Variants in MEI4 observed in about 807,000 individuals in gnomAD.
The protein encoded by MEI4 is meiosis-specific protein MEI4.
A neutral mutation model predicts 31.4 loss-of-function variants in MEI4; 27 were observed. The ratio of observed to expected loss-of-function variants is 0.86; its 90% CI spans 0.63 to 1.19. MEI4 has a LOEUF of 1.19. Among genes scored for constraint, MEI4 ranks in the 50% most tolerant of loss-of-function variants. The pLI, the probability that MEI4 is intolerant of heterozygous loss-of-function variation, is 0.00. For synonymous variants in MEI4, 122 were observed against 145.4 expected (o/e 0.84, Z 1.16); for missense variants, 329 against 398.9 (o/e 0.82, Z 1.49).
chr6:77,797,263 C>A (rs997906384), intron 3 of MEI4, among the ~76,000 whole-genome samples: 9 of 152,114 alleles, frequency 5.9e-5, no homozygotes, highest in Non-Finnish European at 8.8e-5. Context: ...GAAAAAAGTT[C>A]TTTGACATTG....
At chr6:77,697,864 G>T (rs1232854604) in intron 2 of MEI4, among the ~76,000 whole-genome samples, 1 of 152,052 alleles carries the variant, frequency 6.6e-6, no homozygotes, top group Non-Finnish European at 1.5e-5. Context: ...TTGACAGTGG[G>T]GTGTTAAAGT....
At chr6:77,803,527 C>T (rs944966192) in intron 3 of MEI4, among the ~76,000 whole-genome samples, 6 of 152,184 alleles carry the variant, frequency 3.9e-5, no homozygotes, top group African/African-American at 1.2e-4. Context: ...AACTTCGTTC[C>T]TTTGGTGGAG....
intron 1 of MEI4, among the ~76,000 whole-genome samples, chr6:77,677,713 G>A (rs1158220591): frequency 6.6e-6 from 1 of 152,116 alleles, no homozygotes; most frequent in African/African-American, 2.4e-5. Context: ...TCTGGGCCGT[G>A]AGCCTATATA....
chr6:77,736,616 C>G (rs35828605), intron 2 of MEI4, among the ~76,000 whole-genome samples: 1 of 152,020 alleles, frequency 6.6e-6, no homozygotes, highest in Admixed American at 6.5e-5. Context: ...ATGCTGGGAG[C>G]TGTAGACCGG....
chr6:77,774,395 A>T (rs1312307669), intron 3 of MEI4, among the ~76,000 whole-genome samples: 3 of 152,092 alleles, frequency 2.0e-5, no homozygotes, highest in African/African-American at 7.2e-5. Context: ...ATTATTTTAA[A>T]TGAAATAAGT....
At chr6:77,877,659 A>G (rs1421136574) in intron 4 of MEI4, among the ~76,000 whole-genome samples, 2 of 151,132 alleles carry the variant, frequency 1.3e-5, no homozygotes, top group Non-Finnish European at 2.9e-5. Flanking sequence ...CTCTCTCCCT[A>G]ATAGTTTTGT....
chr6:77,688,875 T>C (rs1769107016), intron 1 of MEI4, among the ~76,000 whole-genome samples: 1 of 152,048 alleles, frequency 6.6e-6, no homozygotes, highest in Admixed American at 6.6e-5. Context: ...AGTCCACTGC[T>C]CCTATCGCTG....
chr6:77,875,616 A>C (rs1185174873), intron 4 of MEI4, among the ~76,000 whole-genome samples: 2 of 152,214 alleles, frequency 1.3e-5, no homozygotes, highest in Non-Finnish European at 2.9e-5. Flanking sequence ...GGATCTTGGA[A>C]AGGGATTTTT....
chr6:77,880,587 G>A (rs1298669437), intron 4 of MEI4, among the ~76,000 whole-genome samples: 1 of 152,146 alleles, frequency 6.6e-6, no homozygotes, highest in Non-Finnish European at 1.5e-5. Context: ...ATAAAAGTAT[G>A]AGCAGAAAGA....
chr6:77,900,662 C>A (rs936144079), intron 4 of MEI4, among the ~76,000 whole-genome samples: 2 of 151,676 alleles, frequency 1.3e-5, no homozygotes, highest in Admixed American at 1.3e-4. Flanking sequence ...TGGAGACTGA[C>A]GATAAAAGTC....
At chr6:77,699,770 T>C (rs1766167751) in intron 2 of MEI4, among the ~76,000 whole-genome samples, 1 of 152,134 alleles carries the variant, frequency 6.6e-6, no homozygotes, top group South Asian at 2.1e-4. Context: ...GTGGATGTCG[T>C]TTCTGTCTGT....
chr6:77,697,471 T>C (rs889142113), intron 2 of MEI4, among the ~76,000 whole-genome samples: 11 of 152,238 alleles, frequency 7.2e-5, no homozygotes. Context: ...GTTGTGTCTT[T>C]GTTCTTATTG....
intron 2 of MEI4, among the ~76,000 whole-genome samples, chr6:77,748,644 A>T (rs1767678095): frequency 2.6e-5 from 4 of 152,230 alleles, no homozygotes; most frequent in Admixed American, 2.6e-4. Flanking sequence ...GATTAACATT[A>T]GACTCCTCAT....
chr6:77,672,387 A>G (rs1294004309), intron 1 of MEI4, among the ~76,000 whole-genome samples: 1 of 152,198 alleles, frequency 6.6e-6, no homozygotes, highest in Non-Finnish European at 1.5e-5. Context: ...ATTTAAAATT[A>G]TTTTTAATTT....
rs201805209 is a variant in MEI4, at chr6:77,912,613, A to C, written c.901-10476A>C. 2.8e-4 allele frequency among the ~76,000 whole-genome samples: 43 copies of C among 152,040 alleles called. No homozygotes were observed. In the East Asian group the frequency reaches 7.9e-3, roughly 28 times the overall value. On this transcript the variant is annotated intron_variant, in intron 4 of 4. Coordinates refer to ENST00000684080, the MANE Select transcript of MEI4 (RefSeq NM_001322247.2). Reference sequence around the variant, plus strand: ...TACCATCTTGATATCTTTCTCAATAAGTTGGTTATTAGTGTCTAGAAATTC... The same window carrying C: ...TACCATCTTGATATCTTTCTCAATACGTTGGTTATTAGTGTCTAGAAATTC...
At chr6:77,700,336 A>T (rs1200621155) in intron 2 of MEI4, among the ~76,000 whole-genome samples, 1 of 152,052 alleles carries the variant, frequency 6.6e-6, no homozygotes, top group African/African-American at 2.4e-5. Flanking sequence ...TTGTAGTTTG[A>T]TCTGACACTG....
intron 2 of MEI4, among the ~76,000 whole-genome samples, chr6:77,698,938 C>G (rs1299526519): frequency 6.6e-6 from 1 of 152,110 alleles, no homozygotes; most frequent in East Asian, 1.9e-4. Flanking sequence ...TTCACATAGT[C>G]CCATATTTCT....
Position 77,735,946 on chromosome 6 carries a change from G to A in MEI4, c.233-25184G>A, listed in dbSNP as rs572419568. Among the ~76,000 whole-genome samples, 204 of 148,158 alleles carry A rather than the reference G, an allele frequency of 1.4e-3. 1 individual carries two copies. The Middle Eastern group carries it at 0.019, about 13-fold the overall frequency. On this transcript the variant is annotated intron_variant, in intron 2 of 4. Transcript: ENST00000684080. ...GGGATGCCTCCCAGTTAGGCTGCTCGGGGGTCAGGGGTCAGGGACCCACTT... is the reference window on the plus strand; with the variant it reads ...GGGATGCCTCCCAGTTAGGCTGCTCAGGGGTCAGGGGTCAGGGACCCACTT...
intron 4 of MEI4, among the ~76,000 whole-genome samples, chr6:77,883,733 T>TACATATAC (rs1261836375): frequency 6.2e-4 from 88 of 140,840 alleles, no homozygotes; most frequent in East Asian, 1.1e-3. Flanking sequence ...TATATATATA[T>TACATATAC]ATATATATAT....
Sources: allele counts gnomAD v4.1 joint callset (sites outside exome capture counted in the v4.1 genomes callset), GRCh38; gene constraint gnomAD v4.1.1; transcripts MANE v1.5; gene names NCBI Gene and HGNC (gene_info 2026-07-23, HGNC 2026-07-21).